VTI1A: variants seen among roughly 807,000 people sequenced by gnomAD.
VTI1A encodes the protein vesicle transport through interaction with t-SNAREs homolog 1A.
Under a neutral mutation model 34.9 loss-of-function variants are expected in VTI1A, and 22 were observed. That is an observed-to-expected ratio of 0.63 (90% CI 0.45 to 0.90). The LOEUF (loss-of-function observed/expected upper bound fraction) is 0.90. Among genes scored for constraint, VTI1A ranks in the 40% least tolerant of loss-of-function variants. The pLI is 0.00. For synonymous variants in VTI1A, 87 were observed against 97.3 expected, an observed-to-expected ratio of 0.89 and a Z score of 0.62; for missense variants, 268 against 275.6, an observed-to-expected ratio of 0.97 and a Z score of 0.20.
chr10:112,535,455 CA>C (rs1473682802), intron 4 of VTI1A, among the ~76,000 whole-genome samples: 3 of 152,054 alleles, frequency 2.0e-5, no homozygotes, highest in Admixed American at 2.0e-4. Context: ...TCAGCTGCTC[CA>C]AAATGTGTTT....
At chr10:112,605,125 T>C (rs1845025511) in intron 5 of VTI1A, among the ~76,000 whole-genome samples, 2 of 152,174 alleles carry the variant, frequency 1.3e-5, no homozygotes, top group Non-Finnish European at 2.9e-5. Context: ...CTTTCCATCC[T>C]GATCTTCCCC....
At chr10:112,570,244 A>T (rs1039134182) in intron 5 of VTI1A, among the ~76,000 whole-genome samples, 3 of 149,674 alleles carry the variant, frequency 2.0e-5, no homozygotes, top group Non-Finnish European at 3.0e-5. Context: ...TGTGTACAAA[A>T]TTTTTTTTTT....
At position 112,447,482 on chromosome 10, in the gene VTI1A, C is replaced by T. The variant is rs779865637; in HGVS notation, c.94+15C>T. 1.2e-6 allele frequency: 2 copies of T among 1,612,006 alleles called. No homozygotes were observed. The highest frequency in any genetic ancestry group is 2.2e-5 in the East Asian group (1 of 44,804). ...ACTCCCGCCTGGTGAGAGCCTTGCC[C>T]GGCTGGACGAGGGTGCTGGGGAGAG... On this transcript the variant is annotated intron_variant, in intron 1 of 7. Transcript: ENST00000393077.
At chr10:112,577,474 TGA>T (rs1395612900) in intron 5 of VTI1A, among the ~76,000 whole-genome samples, 1 of 150,764 alleles carries the variant, frequency 6.6e-6, no homozygotes, top group African/African-American at 2.4e-5. Context: ...CAGTTAAAAG[TGA>T]GAGGGTTTTG....
chr10:112,693,710 A>G (rs149238558), intron 7 of VTI1A, among the ~76,000 whole-genome samples: 183 of 152,340 alleles, frequency 1.2e-3, no homozygotes, highest in African/African-American at 4.3e-3. Context: ...TCAGTTTCCC[A>G]GAGGAAGCAC....
chr10:112,783,137 T>C (rs1407560526), intron 7 of VTI1A, among the ~76,000 whole-genome samples: 1 of 152,186 alleles, frequency 6.6e-6, no homozygotes, highest in Non-Finnish European at 1.5e-5. Flanking sequence ...ATACATTGAA[T>C]GAAAGGTGTG....
rs150167649 is a variant in VTI1A at position 112,453,392 on chromosome 10, G to A, written c.94+5925G>A. ...TCATATATGCATAGCCTATACTTAA[G>A]GAGTGGAGAGTTACACTCTACCTCC... is the stretch of plus-strand genomic sequence containing the variant. On this transcript the variant is annotated intron_variant, in intron 1 of 7. Transcript: ENST00000393077. Among the ~76,000 whole-genome samples the A allele has an allele frequency of 3.9e-4, 59 of 152,220 alleles. 1 individual carries two copies. The East Asian group carries it at 0.01, about 26-fold the overall frequency.
chr10:112,495,196 CTTTTTTTTTTTTTT>C (rs751870581), intron 3 of VTI1A, among the ~76,000 whole-genome samples: 1 of 79,054 alleles, frequency 1.3e-5, no homozygotes, highest in Non-Finnish European at 2.5e-5. Context: ...CAGTAATGGT[CTTTTTTTTTTTTTT>C]TTTTTTTTTT....
intron 3 of VTI1A, among the ~76,000 whole-genome samples, chr10:112,508,416 A>G (rs142267765): frequency 6.6e-6 from 1 of 152,026 alleles, no homozygotes; most frequent in Admixed American, 6.6e-5. Context: ...AATAATATCT[A>G]TTTTATAGTT....
chr10:112,844,409 G>A, the VTI1A span, among the ~76,000 whole-genome samples: 1 of 152,252 alleles, frequency 6.6e-6, no homozygotes, highest in East Asian at 1.9e-4. Flanking sequence ...AGAAGGGGAC[G>A]ATAAAGCCAA....
intron 7 of VTI1A, among the ~76,000 whole-genome samples, chr10:112,673,751 A>C (rs1847939228): frequency 6.6e-6 from 1 of 152,248 alleles, no homozygotes; most frequent in Non-Finnish European, 1.5e-5. Context: ...TTTTAAATGT[A>C]GTCTTTGGTA....
intron 5 of VTI1A, chr10:112,548,754 A>G (rs1439716167): frequency 6.9e-7 from 1 of 1,453,680 alleles, no homozygotes; most frequent in Non-Finnish European, 9.4e-7. Flanking sequence ...CCAGAGATGG[A>G]TAGTCTGAGA....
At chr10:112,515,958 G>C (rs1163716666) in intron 3 of VTI1A, among the ~76,000 whole-genome samples, 3 of 152,094 alleles carry the variant, frequency 2.0e-5, no homozygotes, top group Non-Finnish European at 4.4e-5. Context: ...CTAGAGGATA[G>C]GATTGTTGTT....
chr10:112,595,744 G>A (rs1407529158), intron 5 of VTI1A, among the ~76,000 whole-genome samples: 1 of 150,212 alleles, frequency 6.7e-6, no homozygotes, highest in Non-Finnish European at 1.5e-5. Flanking sequence ...CATTGTGGAA[G>A]TCAGTGTGGC....
At chr10:112,596,576 TG>T (rs1427169341) in intron 5 of VTI1A, among the ~76,000 whole-genome samples, 1 of 152,174 alleles carries the variant, frequency 6.6e-6, no homozygotes. Context: ...ACAAAATTGC[TG>T]GGCTGAAAAA....
chr10:112,833,851 A>G, the VTI1A span, among the ~76,000 whole-genome samples: 4 of 152,264 alleles, frequency 2.6e-5, no homozygotes, highest in African/African-American at 9.6e-5. Context: ...AGAAAAATGC[A>G]GTAACTTCAA....
intron 5 of VTI1A, among the ~76,000 whole-genome samples, chr10:112,573,917 T>C (rs7897508): frequency 0.017 from 2,644 of 152,320 alleles, 79 homozygotes; most frequent in African/African-American, 0.06. Context: ...CTGTGAGGAA[T>C]GTTTTGTACT....
At chr10:112,640,344 A>G (rs1031432357) in intron 5 of VTI1A, among the ~76,000 whole-genome samples, 1 of 152,206 alleles carries the variant, frequency 6.6e-6, no homozygotes, top group Non-Finnish European at 1.5e-5. Context: ...AAAAATATGC[A>G]GAAACTACCC....
At chr10:112,617,028 T>G (rs1845537330) in intron 5 of VTI1A, among the ~76,000 whole-genome samples, 1 of 152,002 alleles carries the variant, frequency 6.6e-6, no homozygotes, top group Non-Finnish European at 1.5e-5. Context: ...CCAAAAGACA[T>G]AAATCCACAG....
Sources: gnomAD v4.1 joint callset for allele counts (sites outside exome capture counted in the v4.1 genomes callset) on GRCh38, gnomAD v4.1.1 for gene constraint, MANE v1.5 for transcripts, NCBI Gene and HGNC (gene_info 2026-07-23, HGNC 2026-07-21) for gene names.